The following CMYA5 variants were observed in gnomAD, a reference collection of about 807,000 sequenced individuals.
CMYA5 encodes the protein cardiomyopathy-associated protein 5.
In CMYA5, 246 loss-of-function variants were observed where a neutral mutation model predicts 318.9. The ratio of observed to expected loss-of-function variants is 0.77; its 90% CI spans 0.70 to 0.86. The LOEUF (loss-of-function observed/expected upper bound fraction) is 0.86. CMYA5 is among the 40% of genes least tolerant of loss of function. The pLI is 0.00. For synonymous variants in CMYA5, 1,641 were observed against 1,729.5 expected, an observed-to-expected ratio of 0.95 and a Z score of 1.27; for missense variants, 4,589 against 4,678.2, an observed-to-expected ratio of 0.98 and a Z score of 0.56.
chr5:79,730,149 T>G lies in CMYA5; in HGVS notation c.1384T>G (p.Ser462Ala). ...DPDQEQPDLT[S>A]IERAEPVSAK... is the part of the protein sequence containing the mutation. Reference sequence around the variant, plus strand: ...AGACCAAGAACAGCCGGACCTGACTTCAATAGAAAGGGCAGAACCAGTCTC... The same window carrying G: ...AGACCAAGAACAGCCGGACCTGACTGCAATAGAAAGGGCAGAACCAGTCTC... Residue 462 changes from serine to alanine, a missense_variant, in exon 2 of 13, where the codon TCA becomes GCA. By Grantham distance (99) the Ser-to-Ala change is moderately conservative. Around this residue, in one of 3 missense-constraint regions of CMYA5, gnomAD observed 2,132 missense variants for 2,131.3 expected, o/e 1.00. Coordinates refer to ENST00000446378, the MANE Select transcript of CMYA5 (RefSeq NM_153610.5). The G allele has an allele frequency of 6.2e-7, 1 of 1,613,866 alleles. No homozygotes were observed. The highest frequency in any genetic ancestry group is 2.2e-5 in the East Asian group (1 of 44,880).
At chr5:79,706,136 C>T (rs551470648) in intron 1 of CMYA5, among the ~76,000 whole-genome samples, 1 of 152,166 alleles carries the variant, frequency 6.6e-6, no homozygotes, top group East Asian at 1.9e-4. Flanking sequence ...GCCTTCTGGT[C>T]CTGCGATGCT....
chr5:79,709,154 G>A (rs1299208379), intron 1 of CMYA5, among the ~76,000 whole-genome samples: 1 of 152,196 alleles, frequency 6.6e-6, no homozygotes, highest in East Asian at 1.9e-4. Context: ...AAGAATGTGT[G>A]GCTCTCGTAC....
intron 1 of CMYA5, among the ~76,000 whole-genome samples, chr5:79,715,196 A>G (rs552460325): frequency 6.6e-6 from 1 of 152,316 alleles, no homozygotes; most frequent in Non-Finnish European, 1.5e-5. Context: ...AAATCAAATA[A>G]TGAATCTAAG....
At chr5:79,713,314 G>A (rs59697622) in intron 1 of CMYA5, among the ~76,000 whole-genome samples, 4,098 of 59,172 alleles carry the variant, frequency 0.069, 104 homozygotes, top group East Asian at 0.16. Context: ...CCCCCCACCC[G>A]CCGTCACAAA....
intron 9 of CMYA5, among the ~76,000 whole-genome samples, chr5:79,770,568 G>A (rs140731246): frequency 0.087 from 13,279 of 152,112 alleles, 846 homozygotes; most frequent in Admixed American, 0.22. Context: ...TGTGCTTCCC[G>A]GGTGAGGTGA....
chr5:79,749,618 A>G (rs1580785278), intron 5 of CMYA5, among the ~76,000 whole-genome samples: 1 of 152,206 alleles, frequency 6.6e-6, no homozygotes, highest in East Asian at 1.9e-4. Flanking sequence ...ATATATGTAA[A>G]TATTAGTCTA....
In CMYA5 at chr5:79,733,827, C is replaced by T. The variant is rs370352116; in HGVS notation, c.5062C>T (p.Leu1688Phe). The change falls in exon 2 of 13, where the codon CTT becomes TTT. Residue 1688 changes from leucine (L) to phenylalanine (F), a missense_variant. Physicochemically the swap from Leu to Phe is conservative, Grantham distance 22. Around this residue, in one of 3 missense-constraint regions of CMYA5, gnomAD observed 2,132 missense variants for 2,131.3 expected, o/e 1.00. Coordinates refer to ENST00000446378, the MANE Select transcript of CMYA5 (RefSeq NM_153610.5). ...SREGKEENRE[L>F]CASSTMPAIS... ...AGAAGGAAAAGAAGAAAATAGAGAG[C>T]TTTGTGCATCTTCTACGATGCCTGC... 5 of 1,613,572 alleles carry T rather than the reference C, an allele frequency of 3.1e-6. No individual in the cohort carries two copies. In the African/African-American group the frequency reaches 5.3e-5, roughly 17 times the overall value.
In CMYA5 at chr5:79,730,226, C is replaced by T; in HGVS notation, c.1461C>T (p.Asn487=). ...HPSVKGEKEE[N]MLEPSISLSE... is the part of the protein sequence containing the mutation. ...GTGTCAAAGGAGAGAAGGAGGAAAA[C>T]ATGCTTGAGCCATCCATTTCTCTTT... is the stretch of plus-strand genomic sequence containing the variant. Residue 487 remains asparagine (N), a synonymous_variant, in exon 2 of 13, where the codon AAC becomes AAT. Transcript: ENST00000446378. 1 of 1,613,962 alleles carries T rather than the reference C, an allele frequency of 6.2e-7. No individual in the cohort carries two copies.
chr5:79,710,030 A>G (rs141160981), intron 1 of CMYA5, among the ~76,000 whole-genome samples: 327 of 150,392 alleles, frequency 2.2e-3, no homozygotes, highest in African/African-American at 7.1e-3. Flanking sequence ...TCTAAAAATT[A>G]CTCCTTCCTT....
At chr5:79,724,990 C>G (rs1431928688) in intron 1 of CMYA5, among the ~76,000 whole-genome samples, 2 of 152,200 alleles carry the variant, frequency 1.3e-5, no homozygotes, top group Admixed American at 6.5e-5. Context: ...CAAACCAACT[C>G]AAGTATTTTC....
At chr5:79,754,386 A>G (rs757883198) in intron 6 of CMYA5, among the ~76,000 whole-genome samples, 3 of 152,218 alleles carry the variant, frequency 2.0e-5, no homozygotes, top group Non-Finnish European at 4.4e-5. Context: ...CGTTAAGCAT[A>G]TCAAATCATC....
At chr5:79,786,088 C>G (rs1446952022) in intron 9 of CMYA5, among the ~76,000 whole-genome samples, 1 of 152,242 alleles carries the variant, frequency 6.6e-6, no homozygotes, top group Non-Finnish European at 1.5e-5. Flanking sequence ...AGTCATTTCT[C>G]TCTGCTTTGT....
Position 79,734,670 on chromosome 5 carries a change from A to G in CMYA5, c.5905A>G (p.Ser1969Gly), listed in dbSNP as rs957410518. Reference protein sequence around the residue: ...QEAVSALDTSSGNTETLSSKS... With the variant: ...QEAVSALDTSGGNTETLSSKS... ...AGCAGTATCTGCTCTTGATACTTCC[A>G]GTGGTAATACAGAGACCTTATCAAG... Residue 1969 changes from serine (S) to glycine (G), a missense_variant, in exon 2 of 13, where the codon AGT becomes GGT. This residue lies in a region of CMYA5 where 2,431 missense variants were observed against 2,495.1 expected (regional missense o/e 0.97). Transcript: ENST00000446378. 1.2e-6 allele frequency: 2 copies of G among 1,613,858 alleles called. No homozygotes were observed. Among genetic ancestry groups the G allele is most frequent in the African/African-American group, 1.3e-5 (1 of 75,060 alleles).
intron 1 of CMYA5, among the ~76,000 whole-genome samples, chr5:79,703,125 C>T (rs955296384): frequency 6.6e-6 from 1 of 152,172 alleles, no homozygotes; most frequent in African/African-American, 2.4e-5. Context: ...CAGGGGGCCC[C>T]GGGCTAGGCT....
rs1360085035 is a variant in CMYA5, at chr5:79,730,329, G to C, written c.1564G>C (p.Glu522Gln). The C allele has an allele frequency of 1.2e-6, 2 of 1,613,616 alleles. No individual in the cohort carries two copies. The highest frequency in any genetic ancestry group is 1.7e-6 in the Non-Finnish European group (2 of 1,179,804). The change falls in exon 2 of 13, where the codon GAA (glutamate) becomes CAA (glutamine). Residue 522 changes from glutamate (E) to glutamine (Q), a missense_variant. Transcript: ENST00000446378. Reference sequence around the variant, plus strand: ...ACCCATAGCTATTACCCCTGAACCTGAAGATTCTAATTTAGTAGAAGAAGA... The same window carrying C: ...ACCCATAGCTATTACCCCTGAACCTCAAGATTCTAATTTAGTAGAAGAAGA... ...SLPIAITPEP[E>Q]DSNLVEEEIV...
At position 79,772,829 on chromosome 5, in the gene CMYA5, T is replaced by C. The variant is rs985068407; in HGVS notation, c.11555+9620T>C. Among the ~76,000 whole-genome samples the C allele has an allele frequency of 2.0e-5, 3 of 152,198 alleles. No homozygotes were observed. In the South Asian group the frequency reaches 6.2e-4, roughly 31 times the overall value. ...ACCATCTGGTTTTCACAACCAACTT[T>C]AAAACATTCTTTACACGGTCCGATG... is the stretch of plus-strand genomic sequence containing the variant. On this transcript the variant is annotated intron_variant, in intron 9 of 12. Coordinates refer to ENST00000446378, the MANE Select transcript of CMYA5 (RefSeq NM_153610.5).
intron 1 of CMYA5, among the ~76,000 whole-genome samples, chr5:79,696,415 A>G (rs1424641799): frequency 1.3e-5 from 2 of 152,234 alleles, no homozygotes; most frequent in African/African-American, 2.4e-5. Context: ...ATAAAGTCCA[A>G]GATATGTGGG....
Position 79,736,988 on chromosome 5 carries a change from G to A in CMYA5, c.8223G>A (p.Gln2741=), listed in dbSNP as rs1232150540. The change falls in exon 2 of 13, where the codon CAG becomes CAA. Residue 2741 remains glutamine, a synonymous_variant. Coordinates refer to ENST00000446378, the MANE Select transcript of CMYA5 (RefSeq NM_153610.5). The part of the protein sequence containing the change: ...HDEIENHSLS[Q]EGNLVLEKSS... ...AAATAGAGAACCACTCTTTGTCTCA[G>A]GAAGGAAATCTAGTGTTAGAAAAGT... The A allele has an allele frequency of 6.2e-7, 1 of 1,613,046 alleles. No homozygotes were observed. Among genetic ancestry groups the A allele is most frequent in the African/African-American group, 1.3e-5 (1 of 74,674 alleles).
chr5:79,765,861 GT>G (rs1828740499), intron 9 of CMYA5, among the ~76,000 whole-genome samples: 1 of 152,182 alleles, frequency 6.6e-6, no homozygotes, highest in South Asian at 2.1e-4. Context: ...ATTTGCTGAA[GT>G]TGCTTATCAG....
Sources: allele counts gnomAD v4.1 joint callset (sites outside exome capture counted in the v4.1 genomes callset), GRCh38; gene constraint gnomAD v4.1.1; regional missense constraint gnomAD v4.1.1; transcripts MANE v1.5; gene names NCBI Gene and HGNC (gene_info 2026-07-23, HGNC 2026-07-21).